AFG2A: variants seen among roughly 807,000 people sequenced by gnomAD.
The protein encoded by AFG2A is AAA ATPase AFG2A, also known as ATPase family gene 2 protein homolog A.
the AFG2A span, chr4:122,933,416 G>T: frequency 6.2e-7 from 1 of 1,601,788 alleles, no homozygotes; most frequent in East Asian, 2.2e-5. Context: ...GCTGATTTCT[G>T]TTCCCTTCTT....
chr4:123,104,733 A>G, the AFG2A span, among the ~76,000 whole-genome samples: 2 of 152,218 alleles, frequency 1.3e-5, no homozygotes, highest in East Asian at 1.9e-4. Context: ...GATCAAACCA[A>G]CTACAGCATT....
At chr4:123,026,934 A>T in the AFG2A span, among the ~76,000 whole-genome samples, 1 of 151,986 alleles carries the variant, frequency 6.6e-6, no homozygotes, top group Non-Finnish European at 1.5e-5. Context: ...ACTTTTAATT[A>T]CTCATTTGTC....
chr4:123,250,872 C>T, the AFG2A span, among the ~76,000 whole-genome samples: 1 of 152,052 alleles, frequency 6.6e-6, no homozygotes, highest in Non-Finnish European at 1.5e-5. Context: ...TACATTCTTC[C>T]ACCCTAATAT....
At chr4:123,196,637 T>C in the AFG2A span, among the ~76,000 whole-genome samples, 1 of 152,198 alleles carries the variant, frequency 6.6e-6, no homozygotes, top group Non-Finnish European at 1.5e-5. Context: ...GGATCTTGGC[T>C]TATTTGCATT....
chr4:123,149,821 T>G, the AFG2A span, among the ~76,000 whole-genome samples: 12 of 123,348 alleles, frequency 9.7e-5, no homozygotes, highest in African/African-American at 3.5e-4. Context: ...TTTTTTTTTT[T>G]TTTGGTCAGA....
chr4:123,255,812 G>A, the AFG2A span, among the ~76,000 whole-genome samples: 6 of 139,838 alleles, frequency 4.3e-5, no homozygotes, highest in Admixed American at 3.1e-4. Context: ...GAGCCACCGC[G>A]CCCAGCCTTC....
At chr4:123,157,141 G>A in the AFG2A span, among the ~76,000 whole-genome samples, 2 of 151,450 alleles carry the variant, frequency 1.3e-5, no homozygotes, top group African/African-American at 2.4e-5. Context: ...TCAGCCTCCC[G>A]AGTAGCTGGG....
At chr4:123,075,817 C>T in the AFG2A span, among the ~76,000 whole-genome samples, 9 of 151,566 alleles carry the variant, frequency 5.9e-5, no homozygotes, top group South Asian at 2.1e-4. Flanking sequence ...ATTAGCTGGG[C>T]GTGGTGGCAC....
chr4:123,080,974 C>T, the AFG2A span, among the ~76,000 whole-genome samples: 1 of 151,450 alleles, frequency 6.6e-6, no homozygotes, highest in African/African-American at 2.4e-5. Flanking sequence ...TTTGGGTTCA[C>T]ACCAACATTG....
At chr4:123,045,864 G>T in the AFG2A span, among the ~76,000 whole-genome samples, 1 of 152,114 alleles carries the variant, frequency 6.6e-6, no homozygotes, top group East Asian at 1.9e-4. Context: ...GCGGGGCTGA[G>T]ATGGGTGGGT....
chr4:123,181,362 C>T, the AFG2A span, among the ~76,000 whole-genome samples: 1 of 151,882 alleles, frequency 6.6e-6, no homozygotes, highest in South Asian at 2.1e-4. Flanking sequence ...ATGGTAGTTC[C>T]GGCACTTTGG....
chr4:123,164,520 C>T, the AFG2A span, among the ~76,000 whole-genome samples: 6 of 152,158 alleles, frequency 3.9e-5, no homozygotes, highest in Admixed American at 2.0e-4. Context: ...CCTGCCACCA[C>T]GCCCAGCTAA....
chr4:122,950,844 T>C, the AFG2A span, among the ~76,000 whole-genome samples: 1 of 152,212 alleles, frequency 6.6e-6, no homozygotes, highest in Non-Finnish European at 1.5e-5. Flanking sequence ...TGGGTGATCT[T>C]TCTGGTATCA....
chr4:123,268,603 GC>G, the AFG2A span, among the ~76,000 whole-genome samples: 5 of 152,170 alleles, frequency 3.3e-5, no homozygotes, highest in Admixed American at 1.3e-4. Context: ...CGACAGGAGA[GC>G]TATTCTTGAA....
the AFG2A span, among the ~76,000 whole-genome samples, chr4:123,189,448 TC>T: frequency 6.6e-6 from 1 of 152,140 alleles, no homozygotes; most frequent in African/African-American, 2.4e-5. Context: ...ATGCCTTTTT[TC>T]TTTTCTTTTT....
At chr4:123,214,065 A>G in the AFG2A span, among the ~76,000 whole-genome samples, 461 of 152,268 alleles carry the variant, frequency 3.0e-3, 4 homozygotes, top group African/African-American at 0.01. Context: ...AGCTGTATCT[A>G]TTTAGATTTT....
At chr4:122,938,625 C>T in the AFG2A span, among the ~76,000 whole-genome samples, 1 of 152,114 alleles carries the variant, frequency 6.6e-6, no homozygotes, top group African/African-American at 2.4e-5. Context: ...GAGTCTTGCC[C>T]TGTCATCCAG....
chr4:123,123,488 A>AT, the AFG2A span, among the ~76,000 whole-genome samples: 4 of 152,192 alleles, frequency 2.6e-5, no homozygotes, highest in Middle Eastern at 3.4e-3. Flanking sequence ...TCTCATATCA[A>AT]TTTTTTTGTA....
At chr4:123,077,381 C>G in the AFG2A span, among the ~76,000 whole-genome samples, 2 of 152,068 alleles carry the variant, frequency 1.3e-5, no homozygotes, top group Non-Finnish European at 2.9e-5. Context: ...CTTACTGGCT[C>G]TGTTACCTGC....
Sources: allele counts gnomAD v4.1 joint callset (sites outside exome capture counted in the v4.1 genomes callset), GRCh38; gene constraint gnomAD v4.1.1; transcripts MANE v1.5; gene names NCBI Gene and HGNC (gene_info 2026-07-23, HGNC 2026-07-21).